The following SPRY3 variants were observed in gnomAD, a reference collection of about 807,000 sequenced individuals.
SPRY3 encodes protein sprouty homolog 3.
SPRY3 carries 15 observed loss-of-function variants against 20.2 expected under a neutral mutation model. The observed-to-expected ratio is 0.74, with a 90% confidence interval of 0.50 to 1.14. SPRY3 has a LOEUF of 1.14. Among genes scored for constraint, SPRY3 ranks in the 50% most tolerant of loss-of-function variants. The pLI is 0.00. For missense variants in SPRY3, 364 were observed against 363.9 expected (o/e 1.00, Z 0.00); for synonymous variants, 143 against 136.5 (o/e 1.05, Z -0.33).
intron 1 of SPRY3, among the ~76,000 whole-genome samples, chrX:155,629,314 T>C (rs2067898618): frequency 9.1e-6 from 1 of 110,206 alleles, no homozygotes; most frequent in Non-Finnish European, 1.9e-5. Context: ...GCTCCATCCA[T>C]GTCGCCACAA....
At chrX:155,754,443 TG>T (rs2091275934) in intron 2 of SPRY3, among the ~76,000 whole-genome samples, 1 of 152,082 alleles carries the variant, frequency 6.6e-6, no homozygotes, top group South Asian at 2.1e-4. Context: ...ATATTACATT[TG>T]ACTATATGTA....
At chrX:155,692,071 T>C (rs2068103312) in intron 2 of SPRY3, among the ~76,000 whole-genome samples, 1 of 108,235 alleles carries the variant, frequency 9.2e-6, no homozygotes, top group South Asian at 4.0e-4. Flanking sequence ...CTTACTCATA[T>C]TGGGAGCTTA....
At position 155,687,009 on chromosome X, in the gene SPRY3, A is replaced by G. The variant is rs1294132658; in HGVS notation, c.-282+29984A>G. On this transcript the variant is annotated intron_variant, in intron 2 of 3. Coordinates refer to ENST00000675360, the Ensembl canonical transcript of SPRY3. ...CCAGGGGCTGCCAGAACAAAAAAAC[A>G]TGATGCTGGTTTGTTGGTACTTTGA... Among the ~76,000 whole-genome samples, 2 of 113,025 alleles carry G rather than the reference A, an allele frequency of 1.8e-5. 1 individual carries two copies. Among genetic ancestry groups the G allele is most frequent in the Non-Finnish European group, 3.7e-5 (2 of 53,383 alleles).
At chrX:155,716,869 C>T (rs1440280435) in intron 2 of SPRY3, among the ~76,000 whole-genome samples, 2 of 151,006 alleles carry the variant, frequency 1.3e-5, no homozygotes, top group Non-Finnish European at 2.9e-5. Context: ...CATGGTGGCT[C>T]ACACCTATAA....
chrX:155,717,522 C>CATT (rs907358263), intron 2 of SPRY3, among the ~76,000 whole-genome samples: 54 of 152,200 alleles, frequency 3.5e-4, no homozygotes, highest in Non-Finnish European at 4.9e-4. Context: ...GCCCCACATG[C>CATT]ATTAGGTATT....
intron 2 of SPRY3, among the ~76,000 whole-genome samples, chrX:155,697,265 G>C (rs774173720): frequency 4.8e-4 from 53 of 110,765 alleles, no homozygotes; most frequent in Non-Finnish European, 8.1e-4. Context: ...AAAAGGTAGA[G>C]GAAAGGTGGA....
At chrX:155,645,693 A>G (rs2124540461) in intron 1 of SPRY3, among the ~76,000 whole-genome samples, 1 of 112,522 alleles carries the variant, frequency 8.9e-6, no homozygotes, top group Non-Finnish European at 1.9e-5. Flanking sequence ...CCACTGCCAG[A>G]GGGTTGGGGG....
intron 2 of SPRY3, among the ~76,000 whole-genome samples, chrX:155,679,379 T>C (rs1403431642): frequency 9.4e-6 from 1 of 106,003 alleles, no homozygotes; most frequent in Non-Finnish European, 1.9e-5. Flanking sequence ...CCAGTAGATT[T>C]GGTGTGTGAT....
At chrX:155,723,330 T>C (rs1192361782) in intron 2 of SPRY3, among the ~76,000 whole-genome samples, 2 of 152,222 alleles carry the variant, frequency 1.3e-5, no homozygotes, top group African/African-American at 4.8e-5. Flanking sequence ...ATGGTATTTC[T>C]AGTTCTAGAT....
chrX:155,772,413 C>CATTTCTATT (rs1360339673), intron 3 of SPRY3, among the ~76,000 whole-genome samples: 1 of 152,144 alleles, frequency 6.6e-6, no homozygotes, highest in African/African-American at 2.4e-5. Flanking sequence ...CATCCTCTCT[C>CATTTCTATT]ACTTGTTCAT....
chrX:155,767,543 GCGGAGGCGAAAGAGGAGGGGGA>G, intron 2 of SPRY3, among the ~76,000 whole-genome samples: 1 of 151,582 alleles, frequency 6.6e-6, no homozygotes, highest in Admixed American at 6.6e-5. Context: ...GGAGGCGGAG[GCGGAGGCGAAAGAGGAGGGGGA>G]GGAGGTAAAG....
chrX:155,766,710 C>G (rs1375472724), intron 2 of SPRY3, among the ~76,000 whole-genome samples: 1 of 152,132 alleles, frequency 6.6e-6, no homozygotes, highest in Non-Finnish European at 1.5e-5. Flanking sequence ...AAGCTTTGTC[C>G]TTGGCTTTAA....
intron 1 of SPRY3, among the ~76,000 whole-genome samples, chrX:155,633,381 A>AT (rs2067913209): frequency 9.7e-6 from 1 of 103,387 alleles, no homozygotes; most frequent in African/African-American, 3.5e-5. Context: ...TCTACTAAAA[A>AT]AAAAAAAAAA....
intron 2 of SPRY3, among the ~76,000 whole-genome samples, chrX:155,687,873 A>C (rs1468000271): frequency 8.9e-6 from 1 of 112,891 alleles, no homozygotes; most frequent in African/African-American, 3.2e-5. Flanking sequence ...TATCCAAAGC[A>C]TGGAAAGTGA....
intron 2 of SPRY3, among the ~76,000 whole-genome samples, chrX:155,738,569 C>G (rs1410582914): frequency 6.6e-6 from 1 of 152,114 alleles, no homozygotes; most frequent in Non-Finnish European, 1.5e-5. Context: ...GACCCATGGA[C>G]AGCAAGGAAA....
At chrX:155,749,150 A>T (rs139111228) in intron 2 of SPRY3, among the ~76,000 whole-genome samples, 328 of 152,048 alleles carry the variant, frequency 2.2e-3, no homozygotes, top group African/African-American at 7.5e-3. Flanking sequence ...AAGTAATCAG[A>T]GTTCTTAGCT....
At chrX:155,730,393 G>A (rs2091125280) in intron 2 of SPRY3, among the ~76,000 whole-genome samples, 1 of 152,008 alleles carries the variant, frequency 6.6e-6, no homozygotes, top group African/African-American at 2.4e-5. Context: ...TATGCAGATT[G>A]GGCAATATGA....
At chrX:155,676,621 A>G (rs1557355253) in intron 2 of SPRY3, among the ~76,000 whole-genome samples, 1 of 112,166 alleles carries the variant, frequency 8.9e-6, no homozygotes, top group Non-Finnish European at 1.9e-5. Flanking sequence ...CTGCTATAAC[A>G]AAATTGCTGA....
At chrX:155,774,215 C>A in exon 4 of SPRY3, 2 of 1,613,994 alleles carry the variant, frequency 1.2e-6, no homozygotes. Context: ...ATCATCCGAA[C>A]CCAACCTGGA....
Sources: allele counts gnomAD v4.1 joint callset (sites outside exome capture counted in the v4.1 genomes callset), GRCh38; gene constraint gnomAD v4.1.1; transcripts MANE v1.5; gene names NCBI Gene and HGNC (gene_info 2026-07-23, HGNC 2026-07-21).